The following CNTN4 variants were observed in gnomAD, a reference collection of about 807,000 sequenced individuals.
CNTN4 encodes contactin-4.
Under a neutral mutation model 122.5 loss-of-function variants are expected in CNTN4, and 77 were observed. The ratio of observed to expected loss-of-function variants is 0.63; its 90% confidence interval spans 0.52 to 0.76. CNTN4 has a LOEUF of 0.76. Among genes scored for constraint, CNTN4 ranks in the 30% least tolerant of loss-of-function variants. The probability of loss-of-function intolerance (pLI) is 0.00; values close to 1 mark genes in which losing one functional copy is unlikely to be tolerated. For missense variants in CNTN4, 1,256 were observed against 1,259.1 expected (o/e 1.00, Z 0.04); for synonymous variants, 512 against 447.0 (o/e 1.15, Z -1.83).
At chr3:2,643,419 C>T (rs910652637) in intron 4 of CNTN4, among the ~76,000 whole-genome samples, 2 of 152,032 alleles carry the variant, frequency 1.3e-5, no homozygotes, top group African/African-American at 4.8e-5. Flanking sequence ...ATGATCCACC[C>T]GCCTCAGCCT....
chr3:3,042,726 G>C, intron 21 of CNTN4: 1 of 584,024 alleles, frequency 1.7e-6, no homozygotes, highest in Non-Finnish European at 3.0e-6. Context: ...ACAAACATGG[G>C]AAAAAAGAAA....
chr3:2,508,809 C>T (rs531744346), intron 3 of CNTN4, among the ~76,000 whole-genome samples: 6 of 151,972 alleles, frequency 3.9e-5, no homozygotes, highest in East Asian at 1.9e-4. Context: ...TTTTCCTTCT[C>T]TTTGTTATAT....
At chr3:3,048,530 GTGTGTGTGTGTGTGTATT>G (rs1195475775) in intron 23 of CNTN4, among the ~76,000 whole-genome samples, 2 of 151,812 alleles carry the variant, frequency 1.3e-5, no homozygotes, top group African/African-American at 4.8e-5. Context: ...GTGTGTGTGT[GTGTGTGTGTGTGTGTATT>G]TGTGTGTGTG....
chr3:2,485,992 C>G (rs2076149936), intron 3 of CNTN4, among the ~76,000 whole-genome samples: 1 of 152,158 alleles, frequency 6.6e-6, no homozygotes, highest in Non-Finnish European at 1.5e-5. Context: ...TTCTTTCGCT[C>G]TTTGCAATAA....
chr3:2,559,012 G>A (rs149218669), intron 3 of CNTN4, among the ~76,000 whole-genome samples: 1,893 of 152,262 alleles, frequency 0.012, 19 homozygotes, highest in Middle Eastern at 0.058. Flanking sequence ...GTTAGTGTTT[G>A]CCCGATTTGG....
intron 14 of CNTN4, among the ~76,000 whole-genome samples, chr3:3,011,972 A>G (rs183048235): frequency 1.7e-3 from 260 of 152,258 alleles, no homozygotes; most frequent in African/African-American, 6.0e-3. Context: ...TCATCATGTT[A>G]TATGCAACCA....
At chr3:2,844,807 C>G (rs905890554) in intron 7 of CNTN4, among the ~76,000 whole-genome samples, 1 of 152,174 alleles carries the variant, frequency 6.6e-6, no homozygotes, top group African/African-American at 2.4e-5. Context: ...ATTATAGAGG[C>G]TCTCTCAACC....
chr3:2,486,440 A>G (rs1040615321), intron 3 of CNTN4, among the ~76,000 whole-genome samples: 6 of 152,200 alleles, frequency 3.9e-5, no homozygotes, highest in African/African-American at 1.4e-4. Context: ...TATGATCAAA[A>G]TAGTGAAATG....
chr3:3,033,451 C>G lies in CNTN4; in HGVS notation c.1784-1181C>G, dbSNP rs1177329213. ...CACGTAAACGGTGAAGGAGTGAATC[C>G]TAGAACAAAGGCTAACTTCAGGAAA... On this transcript the variant is annotated intron_variant, in intron 16 of 24. Coordinates refer to ENST00000418658, the MANE Select transcript of CNTN4 (RefSeq NM_175607.3). Among the ~76,000 whole-genome samples the G allele has an allele frequency of 3.3e-5, 5 of 152,262 alleles. No individual in the cohort carries two copies. The East Asian group carries it at 7.7e-4, about 24-fold the overall frequency.
At chr3:2,651,666 C>T (rs965687105) in intron 4 of CNTN4, among the ~76,000 whole-genome samples, 2 of 151,786 alleles carry the variant, frequency 1.3e-5, no homozygotes, top group Admixed American at 6.6e-5. Flanking sequence ...GCCTAGGCAA[C>T]GTAGGGAGAC....
chr3:2,455,210 G>C (rs2048955197), intron 3 of CNTN4, among the ~76,000 whole-genome samples: 1 of 152,106 alleles, frequency 6.6e-6, no homozygotes, highest in Non-Finnish European at 1.5e-5. Context: ...AGATATGCAG[G>C]AAGCAATAGG....
At chr3:2,119,344 G>T (rs951503991) in intron 2 of CNTN4, among the ~76,000 whole-genome samples, 1 of 152,158 alleles carries the variant, frequency 6.6e-6, no homozygotes, top group African/African-American at 2.4e-5. Flanking sequence ...TTTTGTTTCT[G>T]TGGAGAACCC....
chr3:2,873,729 T>G (rs561581209), intron 8 of CNTN4, among the ~76,000 whole-genome samples: 2 of 152,328 alleles, frequency 1.3e-5, no homozygotes, highest in African/African-American at 4.8e-5. Flanking sequence ...TTAATTAACC[T>G]AGTGGGTTTT....
intron 2 of CNTN4, among the ~76,000 whole-genome samples, chr3:2,330,405 G>A (rs1231999550): frequency 6.6e-6 from 1 of 152,080 alleles, no homozygotes; most frequent in African/African-American, 2.4e-5. Context: ...TCAACCTTCA[G>A]CCCCTCTTCC....
At chr3:2,139,405 G>C (rs138248438) in intron 2 of CNTN4, among the ~76,000 whole-genome samples, 3 of 152,276 alleles carry the variant, frequency 2.0e-5, no homozygotes, top group African/African-American at 7.2e-5. Context: ...GTTGGGCACA[G>C]AATGACTTCA....
At chr3:2,344,369 T>G (rs935667429) in intron 3 of CNTN4, among the ~76,000 whole-genome samples, 4 of 151,138 alleles carry the variant, frequency 2.6e-5, no homozygotes, top group African/African-American at 9.7e-5. Context: ...TCTACCTCCT[T>G]CCTGGGTTCA....
intron 8 of CNTN4, among the ~76,000 whole-genome samples, chr3:2,877,816 T>C (rs2093862097): frequency 6.6e-6 from 1 of 152,212 alleles, no homozygotes; most frequent in Non-Finnish European, 1.5e-5. Context: ...TGCACTCTTA[T>C]TTTAAGGGGC....
rs543929383 is a variant in CNTN4 at position 2,781,853 on chromosome 3, T to A, written c.358+36156T>A. On this transcript the variant is annotated intron_variant, in intron 6 of 24. Coordinates refer to ENST00000418658, the MANE Select transcript of CNTN4 (RefSeq NM_175607.3). ...CATTCTCCTGCCTCAGCCTCCCGAG[T>A]AGCTGGGACTGCAGGCGCCCGCACC... Among the ~76,000 whole-genome samples, 5 of 128,180 alleles carry A rather than the reference T, an allele frequency of 3.9e-5. No individual in the cohort carries two copies. The South Asian group carries it at 7.1e-4, about 18-fold the overall frequency. 84.1% of individuals were successfully genotyped at this position (128,180 alleles called of 152,430 possible).
At chr3:2,752,432 C>T (rs1409898297) in intron 6 of CNTN4, among the ~76,000 whole-genome samples, 1 of 152,218 alleles carries the variant, frequency 6.6e-6, no homozygotes. Context: ...GTGGCACGAT[C>T]TCGGCTCACT....
Sources: allele counts gnomAD v4.1 joint callset (sites outside exome capture counted in the v4.1 genomes callset), GRCh38; gene constraint gnomAD v4.1.1; transcripts MANE v1.5; gene names NCBI Gene and HGNC (gene_info 2026-07-23, HGNC 2026-07-21).